The following PARN variants were observed in gnomAD, a reference collection of about 807,000 sequenced individuals.
The protein encoded by PARN is poly(A)-specific ribonuclease PARN.
PARN carries 71 observed loss-of-function variants against 102.8 expected under a neutral mutation model. The ratio of observed to expected loss-of-function variants is 0.69; its 90% confidence interval spans 0.57 to 0.84. The LOEUF (loss-of-function observed/expected upper bound fraction) is 0.84. Ranked by LOEUF, PARN falls within the 40% of genes least tolerant of loss-of-function variation. The pLI, the probability that PARN is intolerant of heterozygous loss-of-function variation, is 0.00. For synonymous variants in PARN, 261 were observed against 252.9 expected, an observed-to-expected ratio of 1.03 and a Z score of -0.30; for missense variants, 782 against 760.9, an observed-to-expected ratio of 1.03 and a Z score of -0.33.
At chr16:14,571,300 T>C (rs963175237) in intron 18 of PARN, among the ~76,000 whole-genome samples, 4 of 148,970 alleles carry the variant, frequency 2.7e-5, no homozygotes, top group Non-Finnish European at 4.4e-5. Flanking sequence ...GAGATTGCAG[T>C]GAGCCAAGAT....
At chr16:14,559,667 A>G (rs1967932422) in intron 18 of PARN, among the ~76,000 whole-genome samples, 1 of 152,202 alleles carries the variant, frequency 6.6e-6, no homozygotes, top group Non-Finnish European at 1.5e-5. Flanking sequence ...TTGTACCCAT[A>G]AAAGCTATTT....
At chr16:14,490,452 T>A (rs1964001474) in intron 21 of PARN, among the ~76,000 whole-genome samples, 1 of 152,158 alleles carries the variant, frequency 6.6e-6, no homozygotes, top group Non-Finnish European at 1.5e-5. Context: ...TGTCCATCTC[T>A]CCACCCAACA....
intron 6 of PARN, among the ~76,000 whole-genome samples, chr16:14,614,123 G>A (rs1158238180): frequency 2.0e-5 from 3 of 152,052 alleles, no homozygotes; most frequent in African/African-American, 7.2e-5. Flanking sequence ...TGGACATGAT[G>A]GTGTGCACCT....
At chr16:14,593,217 A>T in intron 13 of PARN, 84 bp downstream of exon 13, 1 of 761,448 alleles carries the variant, frequency 1.3e-6, no homozygotes, top group Non-Finnish European at 2.3e-6. Context: ...AGTAGAGGAC[A>T]GTTCAGTTAA....
intron 18 of PARN, among the ~76,000 whole-genome samples, chr16:14,559,106 TAA>T (rs1967887195): frequency 6.6e-6 from 1 of 152,050 alleles, no homozygotes; most frequent in African/African-American, 2.4e-5. Context: ...GTTATATTGC[TAA>T]AGTCATGGGA....
chr16:14,540,037 G>A (rs1321352630), intron 21 of PARN, among the ~76,000 whole-genome samples: 2 of 152,128 alleles, frequency 1.3e-5, no homozygotes, highest in African/African-American at 4.8e-5. Flanking sequence ...TTTATATCAA[G>A]GCCTTGAACA....
intron 18 of PARN, among the ~76,000 whole-genome samples, chr16:14,562,599 A>G (rs1425645991): frequency 6.6e-6 from 1 of 151,968 alleles, no homozygotes; most frequent in East Asian, 1.9e-4. Context: ...CAAGAGATAA[A>G]TTGGGTGAAA....
At chr16:14,454,781 A>T (rs1961607698) in intron 22 of PARN, among the ~76,000 whole-genome samples, 1 of 152,254 alleles carries the variant, frequency 6.6e-6, no homozygotes, top group Non-Finnish European at 1.5e-5. Flanking sequence ...CCCAAATCAT[A>T]AAATATTCTG....
chr16:14,457,403 A>G (rs966659528), intron 22 of PARN, among the ~76,000 whole-genome samples: 7 of 152,150 alleles, frequency 4.6e-5, no homozygotes, highest in African/African-American at 1.7e-4. Context: ...TTGGGGCTCA[A>G]TTTAGGTGGG....
intron 16 of PARN, 64 bp from the exon 17 acceptor site, chr16:14,582,355 T>A (rs1261316203): frequency 1.2e-5 from 12 of 1,033,284 alleles, no homozygotes; most frequent in Non-Finnish European, 1.8e-5. Flanking sequence ...GCCCTACCAA[T>A]CAAAATTGCA....
chr16:14,558,316 G>A (rs553817285), intron 18 of PARN: 4 of 151,898 alleles, frequency 2.6e-5, no homozygotes, highest in East Asian at 3.9e-4. Flanking sequence ...TGGCCAACAC[G>A]GTGAAACCCT....
chr16:14,485,817 A>G (rs954718230), intron 21 of PARN, among the ~76,000 whole-genome samples: 1 of 152,094 alleles, frequency 6.6e-6, no homozygotes, highest in Admixed American at 6.5e-5. Context: ...CCTCCTGAAT[A>G]GCTTAAACTA....
At chr16:14,478,542 G>A (rs944801077) in intron 22 of PARN, among the ~76,000 whole-genome samples, 3 of 152,136 alleles carry the variant, frequency 2.0e-5, no homozygotes, top group Admixed American at 2.0e-4. Context: ...AAACAAGGCA[G>A]GGATATCCAC....
intron 1 of PARN, 99 bp downstream of exon 1, chr16:14,630,008 A>G (rs1972939907): frequency 8.9e-6 from 10 of 1,120,096 alleles, no homozygotes; most frequent in Non-Finnish European, 1.1e-5. Flanking sequence ...GGGCTGCCTC[A>G]GCCCCAGGCC....
Position 14,628,241 on chromosome 16 carries a change from A to G in PARN, c.108T>C (p.Asp36=). Residue 36 remains aspartate, a synonymous_variant, in exon 3 of 24, where the codon GAT becomes GAC. Coordinates refer to ENST00000437198, the MANE Select transcript of PARN (RefSeq NM_002582.4). ...TTGTTAATGCAGAGACTGAAGGTCC[A>G]TCACTGATTCCTAGATTTTAAGAAA... ...AIDGEFSGIS[D]GPSVSALTNG... is the part of the protein sequence containing the mutation. 1 of 1,590,294 alleles carries G rather than the reference A, an allele frequency of 6.3e-7. No homozygotes were observed. The highest frequency in any genetic ancestry group is 8.6e-7 in the Non-Finnish European group (1 of 1,160,492).
At chr16:14,538,074 T>C (rs7185689) in intron 21 of PARN, among the ~76,000 whole-genome samples, 14,309 of 152,114 alleles carry the variant, frequency 0.094, 911 homozygotes, top group South Asian at 0.31. Flanking sequence ...ACAATGATCA[T>C]GTGTCAACTA....
At chr16:14,559,967 G>A (rs1474069416) in intron 18 of PARN, among the ~76,000 whole-genome samples, 5 of 152,104 alleles carry the variant, frequency 3.3e-5, no homozygotes, top group Non-Finnish European at 7.3e-5. Flanking sequence ...CTCTCCCAAC[G>A]GCCTCCCACC....
At position 14,446,290 on chromosome 16, in the gene PARN, G is replaced by A. The variant is rs567052670; in HGVS notation, c.1864+598C>T. On this transcript the variant is annotated intron_variant, in intron 23 of 23. Coordinates refer to ENST00000437198, the MANE Select transcript of PARN (RefSeq NM_002582.4). Reference sequence around the variant, plus strand: ...TGCTTCTTAAGCGCAGCATGGCCCCGCACACTTAGCCTCGCTGAGCCCAGG... The same window carrying A: ...TGCTTCTTAAGCGCAGCATGGCCCCACACACTTAGCCTCGCTGAGCCCAGG... 1.8e-4 allele frequency among the ~76,000 whole-genome samples: 27 copies of A among 152,278 alleles called. 1 individual carries two copies. The highest frequency in any genetic ancestry group is 6.8e-3 in the Middle Eastern group (2 of 294).
intron 13 of PARN, among the ~76,000 whole-genome samples, chr16:14,591,547 G>A (rs1970193608): frequency 6.6e-6 from 1 of 152,156 alleles, no homozygotes; most frequent in African/African-American, 2.4e-5. Flanking sequence ...GGCATTTCGG[G>A]GCTACAGTGG....
Sources: gnomAD v4.1 joint callset for allele counts (sites outside exome capture counted in the v4.1 genomes callset) on GRCh38, gnomAD v4.1.1 for gene constraint, MANE v1.5 for transcripts, NCBI Gene and HGNC (gene_info 2026-07-23, HGNC 2026-07-21) for gene names.